Variants in RFTN1 observed in about 807,000 individuals in gnomAD.
RFTN1 encodes raftlin.
A neutral mutation model predicts 46.5 loss-of-function variants in RFTN1; 26 were observed. The ratio of observed to expected loss-of-function variants is 0.56; its 90% CI spans 0.41 to 0.78. The LOEUF (loss-of-function observed/expected upper bound fraction) is 0.78. RFTN1 is among the 30% of genes least tolerant of loss of function. The probability of loss-of-function intolerance (pLI) is 0.00; values close to 1 mark genes in which losing one functional copy is unlikely to be tolerated. For synonymous variants in RFTN1, 261 were observed against 284.2 expected (o/e 0.92, Z 0.82); for missense variants, 693 against 718.7 (o/e 0.96, Z 0.41).
chr3:16,430,788 C>T (rs965192490), intron 3 of RFTN1, among the ~76,000 whole-genome samples: 1 of 152,178 alleles, frequency 6.6e-6, no homozygotes, highest in Admixed American at 6.5e-5. Context: ...GGATGAAAGT[C>T]AGCTCAAACC....
chr3:16,512,218 CCA>C lies in RFTN1; in HGVS notation c.-9+1222_-9+1223del, dbSNP rs1266097257. 6.6e-6 allele frequency among the ~76,000 whole-genome samples: 1 copy of C among 152,046 alleles called. No individual in the cohort carries two copies. Among genetic ancestry groups the C allele is most frequent in the Non-Finnish European group, 1.5e-5 (1 of 68,000 alleles). On this transcript the variant is annotated intron_variant, in intron 1 of 9. Transcript: ENST00000334133. The surrounding 1 kb of genome is among the most constrained non-coding windows in gnomAD (Gnocchi z 4.3). ...CAGCAGAGAGGCCCTACCCACAGGC[CCA>C]GAGGTCGCTCACATTACACCCGGCT...
chr3:16,493,991 C>T (rs546610598), intron 1 of RFTN1, 114 bp from the exon 2 acceptor site: 2 of 1,165,012 alleles, frequency 1.7e-6, no homozygotes, highest in South Asian at 2.9e-5. Flanking sequence ...CAGACCTCAG[C>T]CCTTATGAAA....
chr3:16,471,444 T>C (rs1575339170), intron 2 of RFTN1, among the ~76,000 whole-genome samples: 1 of 152,140 alleles, frequency 6.6e-6, no homozygotes, highest in African/African-American at 2.4e-5. Flanking sequence ...ATATTAATGG[T>C]CCCTGCCTCT....
chr3:16,418,378 T>C lies in RFTN1; in HGVS notation c.333-8895A>G, dbSNP rs1221510963. Among the ~76,000 whole-genome samples the C allele has an allele frequency of 6.6e-6, 1 of 152,152 alleles. No homozygotes were observed. Among genetic ancestry groups the C allele is most frequent in the East Asian group, 1.9e-4 (1 of 5,198 alleles). On this transcript the variant is annotated intron_variant, in intron 3 of 9. Coordinates refer to ENST00000334133, the MANE Select transcript of RFTN1 (RefSeq NM_015150.2). The surrounding 1 kb of genome is among the most constrained non-coding windows in gnomAD (Gnocchi z 5.0). ...CATTTTGGCTCATAAATCCCTTAGATCTCTTCAAAGACCATGAGTTTAAAC... is the reference window on the plus strand; with the variant it reads ...CATTTTGGCTCATAAATCCCTTAGACCTCTTCAAAGACCATGAGTTTAAAC...
intron 2 of RFTN1, chr3:16,472,489 A>G (rs1201546524): frequency 1.3e-5 from 2 of 152,312 alleles, no homozygotes; most frequent in Non-Finnish European, 2.9e-5. Flanking sequence ...TAAGACCCCA[A>G]ACAACCAAGC....
intron 2 of RFTN1, among the ~76,000 whole-genome samples, chr3:16,493,230 C>A (rs1014017085): frequency 1.5e-5 from 2 of 133,100 alleles, no homozygotes; most frequent in African/African-American, 5.7e-5. Flanking sequence ...AACTGTAATT[C>A]GTTGCTTTTT....
rs781013177 is a variant in RFTN1 at position 16,422,308 on chromosome 3, C to T, written c.332+11543G>A. Among the ~76,000 whole-genome samples, 15 of 152,134 alleles carry T rather than the reference C, an allele frequency of 9.9e-5. No homozygotes were observed. Among genetic ancestry groups the T allele is most frequent in the Non-Finnish European group, 2.1e-4 (14 of 68,016 alleles). On this transcript the variant is annotated intron_variant, in intron 3 of 9. Transcript: ENST00000334133. The surrounding 1 kb of genome is among the most constrained non-coding windows in gnomAD (Gnocchi z 4.6). ...TTCAGGCTTTACATGGAAAAATCAACGTACAAAAGTTATCAAGATCCTAAA... is the reference window on the plus strand; with the variant it reads ...TTCAGGCTTTACATGGAAAAATCAATGTACAAAAGTTATCAAGATCCTAAA...
rs12495830 is a variant in RFTN1, at chr3:16,384,226, C to A, written c.442-6124G>T. Reference sequence around the variant, plus strand: ...CTGAATGTCCAGTCTGCTGGACTGCCCTGCAGATGTCAGACTTGTTGGCCC... The same window carrying A: ...CTGAATGTCCAGTCTGCTGGACTGCACTGCAGATGTCAGACTTGTTGGCCC... On this transcript the variant is annotated intron_variant, in intron 4 of 9. Coordinates refer to ENST00000334133, the MANE Select transcript of RFTN1 (RefSeq NM_015150.2). This position sits in a 1 kb window ranked among gnomAD's most constrained non-coding sequence, Gnocchi z 4.7. Among the ~76,000 whole-genome samples, 5 of 152,178 alleles carry A rather than the reference C, an allele frequency of 3.3e-5. No homozygotes were observed. The highest frequency in any genetic ancestry group is 3.2e-3 in the Middle Eastern group (1 of 316).
At chr3:16,359,013 C>T (rs1291938766) in intron 6 of RFTN1, among the ~76,000 whole-genome samples, 1 of 125,002 alleles carries the variant, frequency 8.0e-6, no homozygotes, top group Non-Finnish European at 1.6e-5. Flanking sequence ...GCCTGGGTGA[C>T]AGAGCGAGAT....
Position 16,458,901 on chromosome 3 carries a change from C to T in RFTN1, c.146-24864G>A, listed in dbSNP as rs985318375. ...AACATGGTGCTTAGCTTCACGAATT[C>T]CCTAAAAGTTACAACCCAGGGCTAC... On this transcript the variant is annotated intron_variant, in intron 2 of 9. Coordinates refer to ENST00000334133, the MANE Select transcript of RFTN1 (RefSeq NM_015150.2). The surrounding 1 kb of genome is among the most constrained non-coding windows in gnomAD (Gnocchi z 5.1). 8.5e-5 allele frequency among the ~76,000 whole-genome samples: 13 copies of T among 152,108 alleles called. No individual in the cohort carries two copies. The highest frequency in any genetic ancestry group is 3.1e-4 in the African/African-American group (13 of 41,408).
rs1352210263 is a variant in RFTN1, at chr3:16,445,483, T to TCTCTCACACA, written c.146-11447_146-11446insTGTGTGAGAG. ...TTCTCTCTTTCTCTCTCTCTCTCTCTCACACACACACACACACACACACAC... is the reference window on the plus strand; with the variant it reads ...TTCTCTCTTTCTCTCTCTCTCTCTCTCTCTCACACACACACACACACACACACACACACAC... On this transcript the variant is annotated intron_variant, in intron 2 of 9. Transcript: ENST00000334133. Among the ~76,000 whole-genome samples, 934 of 126,820 alleles carry TCTCTCACACA rather than the reference T, an allele frequency of 7.4e-3. 10 individuals are homozygous for TCTCTCACACA. Among genetic ancestry groups the TCTCTCACACA allele is most frequent in the Middle Eastern group, 0.024 (6 of 248 alleles). 83.2% of individuals were successfully genotyped at this position (126,820 alleles called of 152,430 possible). A position where few individuals can be genotyped will look rare whatever the true frequency, so the allele number is the denominator to read the frequency against.
At chr3:16,494,804 G>A (rs1006494131) in intron 1 of RFTN1, among the ~76,000 whole-genome samples, 5 of 152,160 alleles carry the variant, frequency 3.3e-5, no homozygotes, top group African/African-American at 1.2e-4. Context: ...GATAAACGAT[G>A]CTTTCCTCCT....
Position 16,504,722 on chromosome 3 carries a change from C to A in RFTN1, c.-9+8720G>T, listed in dbSNP as rs1575385258. Among the ~76,000 whole-genome samples the A allele has an allele frequency of 2.6e-5, 4 of 152,192 alleles. No homozygotes were observed. The East Asian group carries it at 7.7e-4, about 29-fold the overall frequency. ...TAACTTGACCTGCTCCAGGCAAGAGCTCCCCAGTTCCCTTCCCAGCCTGCC... is the reference window on the plus strand; with the variant it reads ...TAACTTGACCTGCTCCAGGCAAGAGATCCCCAGTTCCCTTCCCAGCCTGCC... On this transcript the variant is annotated intron_variant, in intron 1 of 9. Coordinates refer to ENST00000334133, the MANE Select transcript of RFTN1 (RefSeq NM_015150.2). This position sits in a 1 kb window ranked among gnomAD's most constrained non-coding sequence, Gnocchi z 4.4.
In RFTN1 at chr3:16,334,831, A is replaced by G. The variant is rs775099489; in HGVS notation, c.1147-7955T>C. 3.9e-5 allele frequency among the ~76,000 whole-genome samples: 6 copies of G among 152,204 alleles called. No individual in the cohort carries two copies. Among genetic ancestry groups the G allele is most frequent in the Non-Finnish European group, 5.9e-5 (4 of 68,034 alleles). The stretch of plus-strand genomic sequence containing the variant: ...CTAAGGATCTTGAGATGGAGAGTTT[A>G]TCCAGGATTATCCAGGTGTGCCCAG... On this transcript the variant is annotated intron_variant, in intron 7 of 9. Coordinates refer to ENST00000334133, the MANE Select transcript of RFTN1 (RefSeq NM_015150.2). The surrounding 1 kb of genome is among the most constrained non-coding windows in gnomAD (Gnocchi z 4.3).
At chr3:16,510,690 A>T (rs541230419) in intron 1 of RFTN1, among the ~76,000 whole-genome samples, 1 of 152,332 alleles carries the variant, frequency 6.6e-6, no homozygotes, top group African/African-American at 2.4e-5. Flanking sequence ...GTAAAATGGT[A>T]TAACCATGTT....
intron 4 of RFTN1, among the ~76,000 whole-genome samples, chr3:16,394,421 C>T (rs1045910814): frequency 4.6e-5 from 7 of 152,124 alleles, no homozygotes; most frequent in African/African-American, 1.4e-4. Context: ...GAATTCTACA[C>T]ACAAATGAAC....
rs1197786944 is a variant in RFTN1, at chr3:16,348,650, C to G, written c.1146+9282G>C. Among the ~76,000 whole-genome samples, 1 of 152,172 alleles carries G rather than the reference C, an allele frequency of 6.6e-6. No individual in the cohort carries two copies. Among genetic ancestry groups the G allele is most frequent in the African/African-American group, 2.4e-5 (1 of 41,436 alleles). On this transcript the variant is annotated intron_variant, in intron 7 of 9. Coordinates refer to ENST00000334133, the MANE Select transcript of RFTN1 (RefSeq NM_015150.2). This position sits in a 1 kb window ranked among gnomAD's most constrained non-coding sequence, Gnocchi z 6.3. ...GATGTGTGGGGCCTCAGCAAATGCC[C>G]CTTTGCATCCTTGTTCCTGGGCATC...
intron 3 of RFTN1, among the ~76,000 whole-genome samples, chr3:16,415,792 A>G (rs1054066330): frequency 7.2e-5 from 11 of 152,168 alleles, no homozygotes; most frequent in Admixed American, 2.6e-4. Context: ...AATTTCCTCA[A>G]TTAACAAATT....
rs187207031 is a variant in RFTN1, at chr3:16,484,202, C to T, written c.145+9523G>A. 2.4e-4 allele frequency among the ~76,000 whole-genome samples: 37 copies of T among 152,170 alleles called. No individual in the cohort carries two copies. Among genetic ancestry groups the T allele is most frequent in the African/African-American group, 6.5e-4 (27 of 41,522 alleles). On this transcript the variant is annotated intron_variant, in intron 2 of 9. Transcript: ENST00000334133. The surrounding 1 kb of genome is among the most constrained non-coding windows in gnomAD (Gnocchi z 4.6). The stretch of plus-strand genomic sequence containing the variant: ...TCATGATCCATTTTTTTAGATTAGT[C>T]TTTTTCCCAGCCGTGAAGGGAGACT...
Sources: gnomAD v4.1 joint callset for allele counts (sites outside exome capture counted in the v4.1 genomes callset) on GRCh38, gnomAD v4.1.1 for gene constraint, Gnocchi (gnomAD v3.1) non-coding constraint, MANE v1.5 for transcripts, NCBI Gene and HGNC (gene_info 2026-07-23, HGNC 2026-07-21) for gene names.